RNFT2: variants seen among roughly 807,000 people sequenced by gnomAD.
RNFT2 encodes E3 ubiquitin-protein ligase RNFT2.
RNFT2 carries 36 observed loss-of-function variants against 53.0 expected under a neutral mutation model. That is an observed-to-expected ratio of 0.68 (90% confidence interval 0.52 to 0.90). The LOEUF (loss-of-function observed/expected upper bound fraction) is 0.90. Among genes scored for constraint, RNFT2 ranks in the 40% least tolerant of loss-of-function variants. The pLI is 0.00. For missense variants in RNFT2, 514 were observed against 585.6 expected (o/e 0.88, Z 1.26); for synonymous variants, 260 against 253.2 (o/e 1.03, Z -0.26).
intron 10 of RNFT2, among the ~76,000 whole-genome samples, chr12:116,843,486 G>T (rs1324073745): frequency 1.3e-5 from 1 of 78,838 alleles, no homozygotes; most frequent in South Asian, 5.5e-4. Context: ...GAGTGTGACT[G>T]TGTCTCAAAA....
chr12:116,823,909 A>G (rs998028550), intron 7 of RNFT2, among the ~76,000 whole-genome samples: 1 of 152,132 alleles, frequency 6.6e-6, no homozygotes, highest in Admixed American at 6.5e-5. Context: ...CCATTTTACT[A>G]GCGAGGAAAC....
intron 4 of RNFT2, among the ~76,000 whole-genome samples, chr12:116,750,904 A>AT (rs1235444935): frequency 0.053 from 2,218 of 41,580 alleles, 84 homozygotes; most frequent in East Asian, 0.11. Flanking sequence ...ATATATATAT[A>AT]TATATTTTTT....
At chr12:116,793,371 G>A (rs1197259473) in intron 7 of RNFT2, among the ~76,000 whole-genome samples, 3 of 151,914 alleles carry the variant, frequency 2.0e-5, no homozygotes, top group African/African-American at 7.3e-5. Context: ...AATTTTTGTA[G>A]AGACAGGGTC....
At chr12:116,748,924 G>A (rs1872036373) in intron 3 of RNFT2, among the ~76,000 whole-genome samples, 2 of 152,148 alleles carry the variant, frequency 1.3e-5, no homozygotes, top group South Asian at 2.1e-4. Context: ...TCTGTAAAGC[G>A]GGAATATCAG....
At position 116,831,198 on chromosome 12, in the gene RNFT2, C is replaced by CAA. The variant is rs35779552; in HGVS notation, c.883-2583_883-2582dup. ...AACACAGCATGACCTCGTCTCTCTA[C>CAA]AAAAAAAAAAAAGAGAGAGAGAGAG... is the stretch of plus-strand genomic sequence containing the variant. On this transcript the variant is annotated intron_variant, in intron 7 of 10. Transcript: ENST00000257575. Among the ~76,000 whole-genome samples the CAA allele has an allele frequency of 1.6e-3, 230 of 142,498 alleles. 2 individuals are homozygous for CAA. Among genetic ancestry groups the CAA allele is most frequent in the East Asian group, 3.5e-3 (17 of 4,872 alleles). The allele number at this position is 142,498 out of a possible 152,430, so 93.5% of individuals were successfully genotyped here.
chr12:116,819,504 G>A (rs1187014249), intron 7 of RNFT2, among the ~76,000 whole-genome samples: 1 of 152,128 alleles, frequency 6.6e-6, no homozygotes, highest in Non-Finnish European at 1.5e-5. Flanking sequence ...TGGGAGCGCG[G>A]GGACAGCCGG....
At chr12:116,752,788 G>C (rs1344870434) in intron 4 of RNFT2, among the ~76,000 whole-genome samples, 1 of 152,192 alleles carries the variant, frequency 6.6e-6, no homozygotes, top group Non-Finnish European at 1.5e-5. Flanking sequence ...TGAGGCACAA[G>C]AATCACTTGA....
chr12:116,811,707 CTGTG>C (rs1422030224), intron 7 of RNFT2, among the ~76,000 whole-genome samples: 1 of 152,082 alleles, frequency 6.6e-6, no homozygotes, highest in Non-Finnish European at 1.5e-5. Flanking sequence ...ATGTGTGTGT[CTGTG>C]TGTGTGTGCA....
intron 3 of RNFT2, among the ~76,000 whole-genome samples, chr12:116,743,468 A>C (rs1871745560): frequency 6.6e-6 from 1 of 152,028 alleles, no homozygotes; most frequent in Non-Finnish European, 1.5e-5. Flanking sequence ...GGGTTTCACC[A>C]TGTTGGCTAG....
intron 6 of RNFT2, among the ~76,000 whole-genome samples, chr12:116,774,738 G>A (rs7310216): frequency 0.87 from 130,688 of 150,362 alleles, 57,257 homozygotes; most frequent in Non-Finnish European, 0.94. Context: ...CTCATACGCC[G>A]CATTCAGTGC....
chr12:116,845,832 A>G (rs925808353), intron 10 of RNFT2, among the ~76,000 whole-genome samples: 1 of 152,068 alleles, frequency 6.6e-6, no homozygotes, highest in Admixed American at 6.5e-5. Flanking sequence ...AACTACAGCC[A>G]CATCAGCTAT....
chr12:116,829,956 A>G (rs900653247), intron 7 of RNFT2, among the ~76,000 whole-genome samples: 1 of 151,750 alleles, frequency 6.6e-6, no homozygotes, highest in Non-Finnish European at 1.5e-5. Context: ...CACAAAGAGA[A>G]TGAGGATTTT....
intron 7 of RNFT2, among the ~76,000 whole-genome samples, chr12:116,827,510 C>T (rs1468955505): frequency 1.3e-5 from 2 of 152,202 alleles, no homozygotes; most frequent in African/African-American, 2.4e-5. Flanking sequence ...GAATCCCCAT[C>T]GTGACTTATC....
At chr12:116,744,027 G>C (rs1301291817) in intron 3 of RNFT2, among the ~76,000 whole-genome samples, 1 of 152,086 alleles carries the variant, frequency 6.6e-6, no homozygotes, top group African/African-American at 2.4e-5. Flanking sequence ...AGGAGTTTGA[G>C]ACCAGCCTGG....
At chr12:116,780,409 A>AC (rs1348057568) in intron 7 of RNFT2, among the ~76,000 whole-genome samples, 1 of 152,156 alleles carries the variant, frequency 6.6e-6, no homozygotes, top group African/African-American at 2.4e-5. Context: ...AGTTCACAAT[A>AC]CGGTTCCCAC....
chr12:116,802,006 G>C (rs2137152505), intron 7 of RNFT2, among the ~76,000 whole-genome samples: 1 of 152,256 alleles, frequency 6.6e-6, no homozygotes, highest in South Asian at 2.1e-4. Flanking sequence ...ATTTGTAGCA[G>C]AGATGGAGTT....
At chr12:116,830,631 G>A (rs1231469510) in intron 7 of RNFT2, among the ~76,000 whole-genome samples, 4 of 152,112 alleles carry the variant, frequency 2.6e-5, no homozygotes, top group Admixed American at 6.6e-5. Context: ...AGGGCTGGGC[G>A]CGGTCGCTCA....
At position 116,750,099 on chromosome 12, in the gene RNFT2, C is replaced by T. The variant is rs767329070; in HGVS notation, c.342C>T (p.His114=). The change falls in exon 4 of 11, where the codon CAC becomes CAT. Residue 114 remains histidine, a synonymous_variant. Transcript: ENST00000257575. ...GGAYHHRQPH[H]HFHHGGHRGG... ...CCTACCACCACCGCCAGCCCCACCA[C>T]CATTTCCACCATGGCGGCCACCGCG... The T allele has an allele frequency of 1.1e-5, 17 of 1,555,684 alleles. No individual in the cohort carries two copies. The South Asian group carries it at 1.9e-4, about 17-fold the overall frequency.
intron 6 of RNFT2, among the ~76,000 whole-genome samples, chr12:116,768,147 C>A (rs1415085127): frequency 6.8e-6 from 1 of 146,072 alleles, no homozygotes; most frequent in Non-Finnish European, 1.5e-5. Flanking sequence ...GTTGCCCAGG[C>A]TGGGGTGCAG....
Sources: gnomAD v4.1 joint callset for allele counts (sites outside exome capture counted in the v4.1 genomes callset) on GRCh38, gnomAD v4.1.1 for gene constraint, MANE v1.5 for transcripts, NCBI Gene and HGNC (gene_info 2026-07-23, HGNC 2026-07-21) for gene names.